The following GPC6 variants were observed in gnomAD, a reference collection of about 807,000 sequenced individuals.
GPC6 encodes glypican 6.
GPC6 carries 14 observed loss-of-function variants against 55.2 expected under a neutral mutation model. That is an observed-to-expected ratio of 0.25 (90% CI 0.17 to 0.40). The LOEUF is 0.40. Among genes scored for constraint, GPC6 ranks in the 10% least tolerant of loss-of-function variants. The pLI is 1.00. For synonymous variants in GPC6, 278 were observed against 259.6 expected (o/e 1.07, Z -0.68); for missense variants, 641 against 708.5 (o/e 0.90, Z 1.08).
chr13:93,913,931 T>C (rs1287228139), intron 3 of GPC6, among the ~76,000 whole-genome samples: 1 of 143,272 alleles, frequency 7.0e-6, no homozygotes, highest in Admixed American at 7.4e-5. Context: ...TACTTTAAGC[T>C]CCCCACACCT....
intron 4 of GPC6, among the ~76,000 whole-genome samples, chr13:94,176,583 T>C (rs1888781944): frequency 6.6e-6 from 1 of 152,186 alleles, no homozygotes; most frequent in African/African-American, 2.4e-5. Context: ...CACATGAACC[T>C]CGTTTTTAAA....
At chr13:93,927,522 T>C (rs965065608) in intron 3 of GPC6, among the ~76,000 whole-genome samples, 1 of 152,082 alleles carries the variant, frequency 6.6e-6, no homozygotes, top group African/African-American at 2.4e-5. Flanking sequence ...TATCCCTCTG[T>C]TTTGACTATT....
At chr13:93,354,120 G>A (rs1177505081) in intron 1 of GPC6, among the ~76,000 whole-genome samples, 1 of 152,106 alleles carries the variant, frequency 6.6e-6, no homozygotes, top group Non-Finnish European at 1.5e-5. Context: ...TCTGAAGCAC[G>A]TTTGCTTTGA....
At chr13:93,733,691 T>G (rs1674638186) in intron 2 of GPC6, among the ~76,000 whole-genome samples, 1 of 152,100 alleles carries the variant, frequency 6.6e-6, no homozygotes, top group Non-Finnish European at 1.5e-5. Flanking sequence ...GTTCAGTTAT[T>G]TTACTAATGA....
intron 1 of GPC6, among the ~76,000 whole-genome samples, chr13:93,450,128 T>C (rs2139300263): frequency 6.6e-6 from 1 of 152,278 alleles, no homozygotes; most frequent in Admixed American, 6.5e-5. Flanking sequence ...TCATTATTTG[T>C]TTTATCCACC....
rs557390199 is a variant in GPC6 at position 93,449,980 on chromosome 13, C to T, written c.161-95283C>T. Among the ~76,000 whole-genome samples the T allele has an allele frequency of 5.9e-4, 89 of 151,552 alleles. No individual in the cohort carries two copies. The South Asian group carries it at 0.018, about 30-fold the overall frequency. ...TCTATTTTTAGTAGAGATGGGATTT[C>T]ACCATGTTGGCCACGATGGTCTCGA... On this transcript the variant is annotated intron_variant, in intron 1 of 8. Transcript: ENST00000377047.
intron 1 of GPC6, among the ~76,000 whole-genome samples, chr13:93,382,688 G>T (rs1875230258): frequency 6.6e-6 from 1 of 152,102 alleles, no homozygotes; most frequent in African/African-American, 2.4e-5. Context: ...CTTGAAAATT[G>T]ACATTATGCC....
intron 4 of GPC6, among the ~76,000 whole-genome samples, chr13:94,253,606 T>C (rs575350477): frequency 5.3e-5 from 8 of 152,232 alleles, no homozygotes; most frequent in Admixed American, 5.2e-4. Context: ...GAATCTGTAA[T>C]CTTGGTACAA....
chr13:93,316,414 A>G (rs765966346), intron 1 of GPC6, among the ~76,000 whole-genome samples: 11 of 152,120 alleles, frequency 7.2e-5, no homozygotes, highest in Non-Finnish European at 1.5e-4. Context: ...AAAGATGTCC[A>G]ATATTTCCTT....
intron 7 of GPC6, among the ~76,000 whole-genome samples, chr13:94,389,698 T>C (rs939215238): frequency 7.2e-5 from 11 of 152,172 alleles, no homozygotes; most frequent in Admixed American, 5.2e-4. Flanking sequence ...AAAGCCAGTC[T>C]GAGAGCCAAG....
At chr13:93,806,215 A>C (rs1886537703) in intron 2 of GPC6, among the ~76,000 whole-genome samples, 1 of 152,198 alleles carries the variant, frequency 6.6e-6, no homozygotes, top group Non-Finnish European at 1.5e-5. Flanking sequence ...CTTGGTTGTC[A>C]TTAGTCTACT....
intron 6 of GPC6, among the ~76,000 whole-genome samples, chr13:94,372,889 C>A (rs1235708500): frequency 2.6e-5 from 4 of 152,042 alleles, no homozygotes; most frequent in South Asian, 2.1e-4. Context: ...ACTGCCTCCT[C>A]AAGTGGGTCC....
intron 6 of GPC6, among the ~76,000 whole-genome samples, chr13:94,320,653 G>A (rs1024954132): frequency 2.6e-5 from 4 of 152,094 alleles, no homozygotes; most frequent in Admixed American, 1.3e-4. Context: ...CAAATCTGAG[G>A]CCATCAAGGC....
intron 4 of GPC6, among the ~76,000 whole-genome samples, chr13:94,221,210 G>T (rs1890373713): frequency 6.6e-6 from 1 of 152,002 alleles, no homozygotes; most frequent in African/African-American, 2.4e-5. Context: ...TAAATGACTT[G>T]CCCTGATGAG....
At chr13:94,288,885 A>ATATATAACAAATATATATATATTTGTT (rs1874738973) in intron 5 of GPC6, among the ~76,000 whole-genome samples, 1 of 33,392 alleles carries the variant, frequency 3.0e-5, no homozygotes, top group Non-Finnish European at 5.0e-5. Flanking sequence ...ATATATAACT[A>ATATATAACAAATATATATATATTTGTT]ATATATATAA....
intron 3 of GPC6, among the ~76,000 whole-genome samples, chr13:93,872,763 A>G (rs532465685): frequency 5.2e-4 from 79 of 152,052 alleles, no homozygotes; most frequent in African/African-American, 1.8e-3. Context: ...TAACCTATTA[A>G]CAGATTCCCA....
intron 1 of GPC6, among the ~76,000 whole-genome samples, chr13:93,331,395 A>G (rs1237020861): frequency 6.6e-6 from 1 of 152,206 alleles, no homozygotes; most frequent in South Asian, 2.1e-4. Flanking sequence ...TTTTTAAAAA[A>G]TGATGCCCTT....
At chr13:93,659,365 A>T (rs1388138219) in intron 2 of GPC6, among the ~76,000 whole-genome samples, 1 of 151,948 alleles carries the variant, frequency 6.6e-6, no homozygotes, top group Non-Finnish European at 1.5e-5. Context: ...TATTTTGCTT[A>T]GAGGGACAAA....
chr13:93,628,984 G>A (rs1229715893), intron 2 of GPC6, among the ~76,000 whole-genome samples: 2 of 149,742 alleles, frequency 1.3e-5, no homozygotes, highest in African/African-American at 4.9e-5. Context: ...TCTTCTTAAA[G>A]GAGAAAAATT....
Sources: allele counts gnomAD v4.1 joint callset (sites outside exome capture counted in the v4.1 genomes callset), GRCh38; gene constraint gnomAD v4.1.1; transcripts MANE v1.5; gene names NCBI Gene and HGNC (gene_info 2026-07-23, HGNC 2026-07-21).